The following SV2C variants were observed in gnomAD, a reference collection of about 807,000 sequenced individuals.
The protein encoded by SV2C is synaptic vesicle glycoprotein 2C, also known as solute carrier family 22 member B3.
In SV2C, 49 loss-of-function variants were observed where a neutral mutation model predicts 79.7. That is an observed-to-expected ratio of 0.61 (90% confidence interval 0.49 to 0.78). SV2C has a LOEUF of 0.78. Ranked by LOEUF, SV2C falls within the 30% of genes least tolerant of loss-of-function variation. The pLI, the probability that SV2C is intolerant of heterozygous loss-of-function variation, is 0.00. For synonymous variants in SV2C, 334 were observed against 333.2 expected (o/e 1.00, Z -0.03); for missense variants, 833 against 912.9 (o/e 0.91, Z 1.13).
At chr5:75,939,512 C>A in the SV2C span, among the ~76,000 whole-genome samples, 1 of 152,078 alleles carries the variant, frequency 6.6e-6, no homozygotes, top group Non-Finnish European at 1.5e-5. Flanking sequence ...AGTGTTAGGG[C>A]TTCAAAATAT....
chr5:75,985,691 TA>T, the SV2C span, among the ~76,000 whole-genome samples: 2 of 151,476 alleles, frequency 1.3e-5, no homozygotes, highest in Middle Eastern at 3.4e-3. Flanking sequence ...AAAGTAATGT[TA>T]AAAAAAAGTA....
the SV2C span, among the ~76,000 whole-genome samples, chr5:75,896,219 CT>C: frequency 7.1e-6 from 1 of 141,216 alleles, no homozygotes; most frequent in Admixed American, 7.1e-5. Flanking sequence ...CCCCCGCCCC[CT>C]ACCCCACAAC....
chr5:76,010,557 T>A, the SV2C span, among the ~76,000 whole-genome samples: 3 of 152,170 alleles, frequency 2.0e-5, no homozygotes, highest in African/African-American at 7.2e-5. Context: ...GTTAACCCTG[T>A]AATGTGCCGA....
chr5:76,334,660 C>A (rs1026587033), downstream of SV2C, among the ~76,000 whole-genome samples: 3 of 152,194 alleles, frequency 2.0e-5, no homozygotes, highest in African/African-American at 7.2e-5. Context: ...AGAAGGAGAA[C>A]TAGTCCCTCT....
chr5:76,177,483 T>C (rs1472248995), intron 2 of SV2C, among the ~76,000 whole-genome samples: 1 of 151,774 alleles, frequency 6.6e-6, no homozygotes, highest in African/African-American at 2.4e-5. Flanking sequence ...AATAAAATAA[T>C]AAACTAGAAT....
At chr5:76,157,836 T>G (rs747343460) in intron 2 of SV2C, among the ~76,000 whole-genome samples, 19 of 151,786 alleles carry the variant, frequency 1.3e-4, no homozygotes, top group African/African-American at 2.9e-4. Context: ...ATGTAATAAT[T>G]AATAAGAATG....
intron 2 of SV2C, among the ~76,000 whole-genome samples, chr5:76,136,569 A>G (rs556866843): frequency 2.0e-5 from 3 of 152,086 alleles, no homozygotes; most frequent in Non-Finnish European, 2.9e-5. Context: ...ATAAAATGCT[A>G]TAGGATTGCA....
the SV2C span, among the ~76,000 whole-genome samples, chr5:75,980,631 T>A: frequency 6.6e-6 from 1 of 152,168 alleles, no homozygotes; most frequent in Non-Finnish European, 1.5e-5. Context: ...TCTCGATAGA[T>A]GTAGAAAAGG....
intron 1 of SV2C, among the ~76,000 whole-genome samples, chr5:76,100,230 C>T (rs1747694243): frequency 6.6e-6 from 1 of 152,170 alleles, no homozygotes; most frequent in Non-Finnish European, 1.5e-5. Flanking sequence ...TCATAAGCTA[C>T]AGCTATGCTA....
At chr5:76,054,808 G>T in the SV2C span, among the ~76,000 whole-genome samples, 5 of 152,076 alleles carry the variant, frequency 3.3e-5, no homozygotes, top group Non-Finnish European at 5.9e-5. Context: ...ACAAGTGTCT[G>T]TTCATATCCT....
the SV2C span, among the ~76,000 whole-genome samples, chr5:75,888,827 ATTATCCT>A: frequency 1.3e-5 from 2 of 151,976 alleles, no homozygotes; most frequent in African/African-American, 4.8e-5. Context: ...AATCTTGCAT[ATTATCCT>A]TTATATTAGT....
rs1749302047 is a variant in SV2C at position 76,142,897 on chromosome 5, C to CTTTAACTTTTTTTTTTTT, written c.580+10570_580+10571insAACTTTTTTTTTTTTTTT. On this transcript the variant is annotated intron_variant, in intron 2 of 12. Transcript: ENST00000502798. The stretch of plus-strand genomic sequence containing the variant: ...AAATATGGTATCTCTTCAACTTTTT[C>CTTTAACTTTTTTTTTTTT]TTTTCCTTTTTTTTTGAGACGGAGT... Among the ~76,000 whole-genome samples the CTTTAACTTTTTTTTTTTT allele has an allele frequency of 2.0e-3, 209 of 103,952 alleles. 1 individual carries two copies. Among genetic ancestry groups the CTTTAACTTTTTTTTTTTT allele is most frequent in the African/African-American group, 5.9e-3 (206 of 34,934 alleles). 68.2% of individuals were successfully genotyped at this position (103,952 alleles called of 152,430 possible). A position where few individuals can be genotyped will look rare whatever the true frequency, so the allele number is the denominator to read the frequency against.
chr5:75,973,064 A>G, the SV2C span, among the ~76,000 whole-genome samples: 23 of 152,090 alleles, frequency 1.5e-4, no homozygotes, highest in African/African-American at 5.6e-4. Flanking sequence ...TTCTCAGCAA[A>G]CTATTGCAAG....
rs569866741 is a variant in SV2C, at chr5:76,174,345, G to C, written c.581-20574G>C. ...CGGCTGGTTTACACGCCTGAATCTG[G>C]GCGAGGTTTTCTCAATCCTATTTTA... On this transcript the variant is annotated intron_variant, in intron 2 of 12. Transcript: ENST00000502798. Among the ~76,000 whole-genome samples the C allele has an allele frequency of 2.6e-5, 4 of 152,256 alleles. No homozygotes were observed. The South Asian group carries it at 8.3e-4, about 32-fold the overall frequency.
chr5:76,131,664 C>T lies in SV2C; in HGVS notation c.-87C>T. On this transcript the variant is annotated 5_prime_UTR_variant, in exon 2 of 13. Coordinates refer to ENST00000502798, the MANE Select transcript of SV2C (RefSeq NM_014979.4). ...TTCTTTCGCAGTTCTGTTTTGAACC[C>T]AAAGTGGATGATGCTGTCAGAGCTG... 8.8e-7 allele frequency: 1 copy of T among 1,137,832 alleles called. No individual in the cohort carries two copies. Among genetic ancestry groups the T allele is most frequent in the Non-Finnish European group, 1.2e-6 (1 of 808,542 alleles). The allele number at this position is 1,137,832 out of a possible 1,614,324, so 70.5% of individuals were successfully genotyped here.
chr5:76,236,810 G>C (rs1052223198), intron 4 of SV2C, among the ~76,000 whole-genome samples: 1 of 152,156 alleles, frequency 6.6e-6, no homozygotes, highest in African/African-American at 2.4e-5. Context: ...GTTTGACTCT[G>C]TGTCCCCACC....
intron 1 of SV2C, among the ~76,000 whole-genome samples, chr5:76,105,886 C>G (rs1373633995): frequency 6.6e-6 from 1 of 152,048 alleles, no homozygotes; most frequent in African/African-American, 2.4e-5. Flanking sequence ...GGGGAGCAAT[C>G]TTCTCTTCAC....
At chr5:76,182,715 C>T (rs772671550) in intron 2 of SV2C, among the ~76,000 whole-genome samples, 1 of 152,166 alleles carries the variant, frequency 6.6e-6, no homozygotes, top group East Asian at 1.9e-4. Flanking sequence ...GCCTTTCTCC[C>T]TCCCTGTGTT....
At chr5:76,100,808 G>C (rs189821217) in intron 1 of SV2C, among the ~76,000 whole-genome samples, 18 of 152,258 alleles carry the variant, frequency 1.2e-4, no homozygotes, top group African/African-American at 4.3e-4. Context: ...TGACATTTTG[G>C]ACCAGATAAT....
Sources: allele counts gnomAD v4.1 joint callset (sites outside exome capture counted in the v4.1 genomes callset), GRCh38; gene constraint gnomAD v4.1.1; transcripts MANE v1.5; gene names NCBI Gene and HGNC (gene_info 2026-07-23, HGNC 2026-07-21).